EYS: variants seen among roughly 807,000 people sequenced by gnomAD.
EYS encodes EGF-like photoreceptor maintenance factor, also known as protein eyes shut homolog.
In EYS, 250 loss-of-function variants were observed where a neutral mutation model predicts 282.1. The observed-to-expected ratio is 0.89, with a 90% CI of 0.80 to 0.98. The LOEUF (loss-of-function observed/expected upper bound fraction) is 0.98, where lower values mean the gene tolerates loss of function less well. Ranked by LOEUF, EYS falls within the 50% of genes least tolerant of loss-of-function variation. The probability of loss-of-function intolerance (pLI) is 0.00; values close to 1 mark genes in which losing one functional copy is unlikely to be tolerated. For missense variants in EYS, 4,016 were observed against 3,709.0 expected (o/e 1.08, Z -2.15); for synonymous variants, 1,355 against 1,282.9 (o/e 1.06, Z -1.20).
chr6:65,340,789 A>AT (rs1770171543), intron 10 of EYS, among the ~76,000 whole-genome samples: 1 of 151,182 alleles, frequency 6.6e-6, no homozygotes, highest in Non-Finnish European at 1.5e-5. Context: ...GTTTTTCTCC[A>AT]TCACCAGAAT....
At chr6:63,953,256 A>G (rs888644033) in intron 35 of EYS, among the ~76,000 whole-genome samples, 1 of 152,200 alleles carries the variant, frequency 6.6e-6, no homozygotes, top group Non-Finnish European at 1.5e-5. Context: ...CTTCAGGGAC[A>G]GTCCTCATTA....
chr6:64,757,127 T>C (rs1188717338), intron 22 of EYS, among the ~76,000 whole-genome samples: 1 of 152,178 alleles, frequency 6.6e-6, no homozygotes, highest in Non-Finnish European at 1.5e-5. Context: ...TATCCTTACC[T>C]CTTATTCACA....
At chr6:65,422,847 T>G (rs1562170455) in intron 5 of EYS, among the ~76,000 whole-genome samples, 1 of 151,798 alleles carries the variant, frequency 6.6e-6, no homozygotes, top group Non-Finnish European at 1.5e-5. Flanking sequence ...TATGTATATA[T>G]GTATGTTTAT....
At chr6:64,691,062 CAAT>C (rs766480027) in intron 22 of EYS, among the ~76,000 whole-genome samples, 1 of 151,860 alleles carries the variant, frequency 6.6e-6, no homozygotes, top group Non-Finnish European at 1.5e-5. Context: ...ATCATTACCT[CAAT>C]AAATTTAAAA....
intron 1 of EYS, among the ~76,000 whole-genome samples, chr6:65,646,753 C>T (rs1386209948): frequency 6.6e-6 from 1 of 151,986 alleles, no homozygotes; most frequent in Admixed American, 6.6e-5. Context: ...CTGATATGAT[C>T]GTATACCTAG....
chr6:63,958,647 AGAG>A (rs1308411624), intron 35 of EYS, among the ~76,000 whole-genome samples: 2 of 152,214 alleles, frequency 1.3e-5, no homozygotes, highest in African/African-American at 4.8e-5. Flanking sequence ...TTTCATAGGT[AGAG>A]AAGAGAAGTC....
intron 26 of EYS, among the ~76,000 whole-genome samples, chr6:64,532,169 G>T (rs767574204): frequency 6.6e-6 from 1 of 152,134 alleles, no homozygotes; most frequent in African/African-American, 2.4e-5. Flanking sequence ...CATCACCCAG[G>T]CTACAAAGCA....
At chr6:63,767,442 C>T (rs1418456224) in intron 40 of EYS, among the ~76,000 whole-genome samples, 1 of 151,970 alleles carries the variant, frequency 6.6e-6, no homozygotes, top group Non-Finnish European at 1.5e-5. Flanking sequence ...CAATTACATC[C>T]AAGGTGAGAA....
Position 64,178,070 on chromosome 6 carries a change from TC to T in EYS, c.6424+52521del, listed in dbSNP as rs569406233. ...TTCTTCCCTAGGTTTGTTTTTTTCT[TC>T]CTTGGAATAAAAACCAGTGCTATGA... On this transcript the variant is annotated intron_variant, in intron 31 of 42. Coordinates refer to ENST00000503581, the MANE Select transcript of EYS (RefSeq NM_001142800.2). Among the ~76,000 whole-genome samples the T allele has an allele frequency of 2.7e-4, 41 of 152,222 alleles. 1 individual carries two copies. The South Asian group carries it at 8.5e-3, about 32-fold the overall frequency.
At chr6:65,175,410 C>G (rs942638961) in intron 12 of EYS, among the ~76,000 whole-genome samples, 1 of 151,090 alleles carries the variant, frequency 6.6e-6, no homozygotes, top group African/African-American at 2.4e-5. Flanking sequence ...ATAATGAAGA[C>G]AGAGAAGCAC....
chr6:64,125,766 A>AC (rs1189054952), intron 31 of EYS, among the ~76,000 whole-genome samples: 1 of 144,798 alleles, frequency 6.9e-6, no homozygotes, highest in East Asian at 2.0e-4. Context: ...AGCCTGGGCG[A>AC]CAGAGCAAGA....
intron 31 of EYS, among the ~76,000 whole-genome samples, chr6:64,227,622 C>T (rs1227203626): frequency 6.6e-6 from 1 of 152,094 alleles, no homozygotes; most frequent in East Asian, 1.9e-4. Context: ...CCTACTTCAG[C>T]AGGGTTATTC....
chr6:64,860,627 G>A (rs1292743289), intron 19 of EYS, among the ~76,000 whole-genome samples: 3 of 152,162 alleles, frequency 2.0e-5, no homozygotes, highest in South Asian at 2.1e-4. Context: ...TCCTAGGTCC[G>A]GGCTCCCTGA....
intron 31 of EYS, among the ~76,000 whole-genome samples, chr6:64,208,147 G>T (rs1765664437): frequency 6.6e-6 from 1 of 152,180 alleles, no homozygotes; most frequent in Non-Finnish European, 1.5e-5. Context: ...CGATTTCACT[G>T]CAGCATTATC....
intron 26 of EYS, among the ~76,000 whole-genome samples, chr6:64,569,073 CCAGAACTCCTGTTCTCCAAAGGAT>C (rs2149816110): frequency 7.8e-6 from 1 of 127,788 alleles, no homozygotes; most frequent in Admixed American, 7.6e-5. Context: ...AATCCAAAAA[CCAGAACTCCTGTTCTCCAAAGGAT>C]CAGAACTCCT....
chr6:64,617,394 A>C (rs1562094369), intron 24 of EYS, 24 bp downstream of exon 24: 2 of 1,417,296 alleles, frequency 1.4e-6, no homozygotes, highest in Non-Finnish European at 2.0e-6. Context: ...AATTATTACA[A>C]CCACAACCAC....
intron 35 of EYS, among the ~76,000 whole-genome samples, chr6:63,865,308 G>A (rs1255844760): frequency 6.6e-6 from 1 of 152,220 alleles, no homozygotes; most frequent in Non-Finnish European, 1.5e-5. Context: ...AAATATAAGT[G>A]ACAGAGAAAT....
chr6:63,971,510 T>C (rs1766566935), intron 35 of EYS, among the ~76,000 whole-genome samples: 1 of 152,214 alleles, frequency 6.6e-6, no homozygotes, highest in Admixed American at 6.5e-5. Flanking sequence ...AGACAGGTCT[T>C]GGTGATCTTC....
At chr6:65,192,634 T>G (rs1049672204) in intron 12 of EYS, among the ~76,000 whole-genome samples, 3 of 151,776 alleles carry the variant, frequency 2.0e-5, no homozygotes, top group African/African-American at 4.8e-5. Context: ...TGAATGTAGT[T>G]TGTCCCCACT....
Sources: allele counts gnomAD v4.1 joint callset (sites outside exome capture counted in the v4.1 genomes callset), GRCh38; gene constraint gnomAD v4.1.1; transcripts MANE v1.5; gene names NCBI Gene and HGNC (gene_info 2026-07-23, HGNC 2026-07-21).